The following ZFYVE28 variants were observed in gnomAD, a reference collection of about 807,000 sequenced individuals.
ZFYVE28 encodes the protein lateral signaling target protein 2 homolog.
In ZFYVE28, 40 loss-of-function variants were observed where a neutral mutation model predicts 82.1. The ratio of observed to expected loss-of-function variants is 0.49; its 90% CI spans 0.38 to 0.63. The LOEUF (loss-of-function observed/expected upper bound fraction) is 0.63, where lower values mean the gene tolerates loss of function less well. Ranked by LOEUF, ZFYVE28 falls within the 30% of genes least tolerant of loss-of-function variation. The pLI, the probability that ZFYVE28 is intolerant of heterozygous loss-of-function variation, is 0.00. For synonymous variants in ZFYVE28, 612 were observed against 546.1 expected, an observed-to-expected ratio of 1.12 and a Z score of -1.68; for missense variants, 1,321 against 1,242.1, an observed-to-expected ratio of 1.06 and a Z score of -0.96.
At chr4:2,357,825 G>C (rs548459515) in intron 1 of ZFYVE28, among the ~76,000 whole-genome samples, 49 of 152,338 alleles carry the variant, frequency 3.2e-4, no homozygotes, top group Non-Finnish European at 3.7e-4. Context: ...GGGCCACGCA[G>C]AGACCCCCAG....
chr4:2,408,656 G>C lies in ZFYVE28; in HGVS notation c.39+9629C>G, dbSNP rs1332732585. The stretch of plus-strand genomic sequence containing the variant: ...CACCTAGATGATGGCGCCCCATCCA[G>C]ATAGAGTCCCGCCCAGATGAGTACC... On this transcript the variant is annotated intron_variant, in intron 1 of 12. Coordinates refer to ENST00000290974, the MANE Select transcript of ZFYVE28 (RefSeq NM_020972.3). This position sits in a 1 kb window ranked among gnomAD's most constrained non-coding sequence, Gnocchi z 4.3. Among the ~76,000 whole-genome samples, 1 of 152,108 alleles carries C rather than the reference G, an allele frequency of 6.6e-6. No individual in the cohort carries two copies. The highest frequency in any genetic ancestry group is 1.5e-5 in the Non-Finnish European group (1 of 68,002).
chr4:2,274,206 C>T lies in ZFYVE28; in HGVS notation c.2062G>A (p.Ala688Thr), dbSNP rs773548057. The T allele has an allele frequency of 6.2e-7, 1 of 1,613,072 alleles. No homozygotes were observed. Among genetic ancestry groups the T allele is most frequent in the Non-Finnish European group, 8.5e-7 (1 of 1,179,594 alleles). ...QALSGSSSST[A>T]GSCSSDKMGP... ...ATCTTGTCTGAGGAGCAGGACCCAGCTGTGGAGCTGCTGCATGGAGAAGGA... is the reference window on the plus strand; with the variant it reads ...ATCTTGTCTGAGGAGCAGGACCCAGTTGTGGAGCTGCTGCATGGAGAAGGA... Residue 688 changes from alanine (A) to threonine (T), a missense_variant, in exon 9 of 13, where the codon GCT (alanine) becomes ACT (threonine). By Grantham distance (58) the Ala-to-Thr change is moderately conservative. Around this residue, in one of 2 missense-constraint regions of ZFYVE28, gnomAD observed 978 missense variants for 833.7 expected, o/e 1.17. Transcript: ENST00000290974.
intron 1 of ZFYVE28, among the ~76,000 whole-genome samples, chr4:2,368,791 G>A (rs950734253): frequency 6.6e-6 from 1 of 152,184 alleles, no homozygotes; most frequent in African/African-American, 2.4e-5. Context: ...AAGTTTTTGT[G>A]GGGACATATG....
At chr4:2,303,312 T>C (rs895926140) in intron 8 of ZFYVE28, among the ~76,000 whole-genome samples, 1 of 151,642 alleles carries the variant, frequency 6.6e-6, no homozygotes, top group African/African-American at 2.4e-5. Context: ...CCTTCCCCAG[T>C]GTGAGGACCC....
chr4:2,317,684 A>C (rs1718435384), intron 7 of ZFYVE28, among the ~76,000 whole-genome samples: 1 of 152,072 alleles, frequency 6.6e-6, no homozygotes, highest in Non-Finnish European at 1.5e-5. Flanking sequence ...CCAGGCTGGA[A>C]TTTAGTGGCG....
In ZFYVE28 at chr4:2,304,926, T is replaced by C; in HGVS notation, c.1414A>G (p.Ser472Gly). ...CTGCAGGAGCTGGTGCCCGCGAGGC[T>C]GGCCCCATCTGTGCCCTCGGCCTCG... ...NLEAEGTDGA[S>G]LAGTSSCSCL... Residue 472 changes from serine to glycine, a missense_variant, in exon 8 of 13, where the codon AGC becomes GGC. Around this residue, in one of 2 missense-constraint regions of ZFYVE28, gnomAD observed 978 missense variants for 833.7 expected, o/e 1.17. Coordinates refer to ENST00000290974, the MANE Select transcript of ZFYVE28 (RefSeq NM_020972.3). 1 of 1,612,676 alleles carries C rather than the reference T, an allele frequency of 6.2e-7. No homozygotes were observed. The highest frequency in any genetic ancestry group is 8.5e-7 in the Non-Finnish European group (1 of 1,179,862).
At chr4:2,366,133 G>T (rs1224308172) in intron 1 of ZFYVE28, among the ~76,000 whole-genome samples, 1 of 152,244 alleles carries the variant, frequency 6.6e-6, no homozygotes, top group East Asian at 1.9e-4. Flanking sequence ...GAGACTTCTG[G>T]GGGGAGTGCG....
chr4:2,414,588 A>G (rs1732848493), intron 1 of ZFYVE28, among the ~76,000 whole-genome samples: 1 of 152,228 alleles, frequency 6.6e-6, no homozygotes, highest in Non-Finnish European at 1.5e-5. Context: ...AACCAGCCAC[A>G]TGGGAACTAC....
At chr4:2,412,664 C>T (rs1223181135) in intron 1 of ZFYVE28, among the ~76,000 whole-genome samples, 1 of 152,180 alleles carries the variant, frequency 6.6e-6, no homozygotes, top group African/African-American at 2.4e-5. Context: ...CCTTTGCACC[C>T]GGCACACCCT....
At chr4:2,330,609 C>T in intron 6 of ZFYVE28, 1 of 1,313,036 alleles carries the variant, frequency 7.6e-7, no homozygotes, top group Non-Finnish European at 9.8e-7. Flanking sequence ...GAGGGAACAG[C>T]ATAGACAAGG....
chr4:2,297,811 A>G lies in ZFYVE28; in HGVS notation c.2051+6478T>C, dbSNP rs563759791. On this transcript the variant is annotated intron_variant, in intron 8 of 12. Coordinates refer to ENST00000290974, the MANE Select transcript of ZFYVE28 (RefSeq NM_020972.3). The stretch of plus-strand genomic sequence containing the variant: ...GTGCTGGGAGGAACGGCAGAAGACG[A>G]GTGGTGACAGTGGGGTGACACGGTG... Among the ~76,000 whole-genome samples, 47 of 151,108 alleles carry G rather than the reference A, an allele frequency of 3.1e-4. No homozygotes were observed. In the East Asian group the frequency reaches 3.5e-3, roughly 11 times the overall value.
Position 2,279,752 on chromosome 4 carries a change from G to A in ZFYVE28, c.2052-5536C>T, listed in dbSNP as rs192294830. Among the ~76,000 whole-genome samples the A allele has an allele frequency of 9.3e-5, 14 of 150,566 alleles. No individual in the cohort carries two copies. The East Asian group carries it at 2.5e-3, about 27-fold the overall frequency. ...GCCGAGATCATGCCACTGCACTCCA[G>A]CCTGACAACAGAGTGAGACTCCTTC... On this transcript the variant is annotated intron_variant, in intron 8 of 12. Coordinates refer to ENST00000290974, the MANE Select transcript of ZFYVE28 (RefSeq NM_020972.3).
At chr4:2,363,086 G>C (rs929281330) in intron 1 of ZFYVE28, among the ~76,000 whole-genome samples, 2 of 152,152 alleles carry the variant, frequency 1.3e-5, no homozygotes, top group African/African-American at 4.8e-5. Flanking sequence ...CTTCCTCCGA[G>C]ACTCAGAAGA....
At chr4:2,415,950 G>A (rs1732993383) in intron 1 of ZFYVE28, among the ~76,000 whole-genome samples, 1 of 152,208 alleles carries the variant, frequency 6.6e-6, no homozygotes, top group Non-Finnish European at 1.5e-5. Context: ...CTGAAATGGA[G>A]ATACGTCTCA....
At chr4:2,313,615 C>T (rs1717797484) in intron 7 of ZFYVE28, among the ~76,000 whole-genome samples, 1 of 152,014 alleles carries the variant, frequency 6.6e-6, no homozygotes, top group African/African-American at 2.4e-5. Flanking sequence ...TGTGTAATCC[C>T]AGCACTTCGG....
At chr4:2,365,621 C>T (rs1428200653) in intron 1 of ZFYVE28, among the ~76,000 whole-genome samples, 1 of 152,136 alleles carries the variant, frequency 6.6e-6, no homozygotes, top group Admixed American at 6.5e-5. Flanking sequence ...GCTCCCGCTC[C>T]GGCCTGGGTG....
intron 8 of ZFYVE28, among the ~76,000 whole-genome samples, chr4:2,277,575 CCTT>C (rs1560128625): frequency 6.6e-6 from 1 of 152,054 alleles, no homozygotes; most frequent in East Asian, 1.9e-4. Flanking sequence ...AGAAAACAAT[CCTT>C]AGCCCTTTAC....
intron 1 of ZFYVE28, among the ~76,000 whole-genome samples, chr4:2,382,452 G>A (rs948241916): frequency 6.6e-6 from 1 of 152,358 alleles, no homozygotes. Flanking sequence ...TTGCACCAGG[G>A]TGACCTGGAT....
intron 1 of ZFYVE28, among the ~76,000 whole-genome samples, chr4:2,357,135 G>A (rs1395128940): frequency 6.6e-6 from 1 of 152,182 alleles, no homozygotes; most frequent in Admixed American, 6.5e-5. Context: ...GACCTCAAAT[G>A]ATCCATCCGC....
Sources: allele counts gnomAD v4.1 joint callset (sites outside exome capture counted in the v4.1 genomes callset), GRCh38; gene constraint gnomAD v4.1.1; regional missense constraint gnomAD v4.1.1; non-coding constraint Gnocchi (gnomAD v3.1); transcripts MANE v1.5; gene names NCBI Gene and HGNC (gene_info 2026-07-23, HGNC 2026-07-21).